Variants in TLE3 observed in about 807,000 individuals in gnomAD.
The protein encoded by TLE3 is transducin-like enhancer protein 3.
In TLE3, 14 loss-of-function variants were observed where a neutral mutation model predicts 93.0. The ratio of observed to expected loss-of-function variants is 0.15; its 90% CI spans 0.10 to 0.24. TLE3 has a LOEUF of 0.24. Ranked by LOEUF, TLE3 falls within the 10% of genes least tolerant of loss-of-function variation. The pLI, the probability that TLE3 is intolerant of heterozygous loss-of-function variation, is 1.00. For synonymous variants in TLE3, 451 were observed against 425.0 expected, an observed-to-expected ratio of 1.06 and a Z score of -0.75; for missense variants, 693 against 1,046.6, an observed-to-expected ratio of 0.66 and a Z score of 4.66.
Position 70,057,453 on chromosome 15 carries a change from A to C in TLE3, c.1251+6T>G. ...CCCCAAGAAAGGAGCCAAAAGGTCT[A>C]CGTACAGCTCCAAAGCTCACCATTG... On this transcript the variant is annotated splice_donor_region_variant and intron_variant, in intron 13 of 19. Coordinates refer to ENST00000451782, the MANE Select transcript of TLE3 (RefSeq NM_001105192.3). 10 of 1,593,340 alleles carry C rather than the reference A, an allele frequency of 6.3e-6. No individual in the cohort carries two copies. The highest frequency in any genetic ancestry group is 8.5e-6 in the Non-Finnish European group (10 of 1,170,198).
At chr15:70,061,604 C>A (rs762310473) in intron 8 of TLE3, among the ~76,000 whole-genome samples, 1 of 152,154 alleles carries the variant, frequency 6.6e-6, no homozygotes, top group Non-Finnish European at 1.5e-5. Flanking sequence ...CTGGCAAGGG[C>A]ACCTGCCAGC....
chr15:70,091,187 A>G (rs983466008), intron 4 of TLE3, among the ~76,000 whole-genome samples: 1 of 152,256 alleles, frequency 6.6e-6, no homozygotes, highest in Non-Finnish European at 1.5e-5. Flanking sequence ...AACTTACAGG[A>G]AAGGTTGTTC....
In TLE3 at chr15:70,055,204, G is replaced by A. The variant is rs766356098; in HGVS notation, c.1423C>T (p.Arg475Trp). 5 of 1,613,890 alleles carry A rather than the reference G, an allele frequency of 3.1e-6. No individual in the cohort carries two copies. The highest frequency in any genetic ancestry group is 2.5e-6 in the Non-Finnish European group (3 of 1,179,954). ...CCGTGGCTGAGTGTGTTGATCTGCC[G>A]GGCGTGCCTCGGGATGCCGGGGCCT... The part of the protein sequence containing the change: ...LAGPGIPRHA[R>W]QINTLSHGEV... Residue 475 changes from arginine to tryptophan, a missense_variant, in exon 15 of 20, where the codon CGG becomes TGG. Arg to Trp is a moderately radical substitution (Grantham distance 101). Coordinates refer to ENST00000451782, the MANE Select transcript of TLE3 (RefSeq NM_001105192.3).
At chr15:70,090,702 G>A (rs993992103) in intron 4 of TLE3, among the ~76,000 whole-genome samples, 2 of 152,126 alleles carry the variant, frequency 1.3e-5, no homozygotes, top group African/African-American at 4.8e-5. Flanking sequence ...AAGTTCACAG[G>A]TTATATATAC....
chr15:70,095,198 G>C (rs2058491976), intron 3 of TLE3, among the ~76,000 whole-genome samples: 1 of 152,194 alleles, frequency 6.6e-6, no homozygotes, highest in Non-Finnish European at 1.5e-5. Context: ...ACTCCCAGGA[G>C]GTCACTAAGA....
chr15:70,059,749 C>T (rs148663583), intron 9 of TLE3, among the ~76,000 whole-genome samples: 1 of 152,362 alleles, frequency 6.6e-6, no homozygotes, highest in South Asian at 2.1e-4. Flanking sequence ...CCCCTGCCCC[C>T]ACAGCCTGCC....
intron 4 of TLE3, among the ~76,000 whole-genome samples, chr15:70,086,258 T>C (rs2058032137): frequency 6.6e-6 from 1 of 152,178 alleles, no homozygotes; most frequent in Non-Finnish European, 1.5e-5. Flanking sequence ...TGCACTGAAC[T>C]GCCTTCCTCT....
intron 8 of TLE3, 106 bp downstream of exon 8, chr15:70,064,348 T>C (rs2056681028): frequency 2.1e-6 from 3 of 1,405,108 alleles, no homozygotes; most frequent in South Asian, 2.4e-5. Flanking sequence ...GAAGCCAGCT[T>C]TGGATACCGA....
chr15:70,061,029 G>T (rs2056440592), intron 8 of TLE3, among the ~76,000 whole-genome samples: 1 of 152,186 alleles, frequency 6.6e-6, no homozygotes, highest in Middle Eastern at 3.2e-3. Context: ...TCAAAGGAGG[G>T]ATAAGTGGAA....
intron 7 of TLE3, among the ~76,000 whole-genome samples, chr15:70,065,735 G>A (rs1469412609): frequency 6.6e-6 from 1 of 152,230 alleles, no homozygotes; most frequent in African/African-American, 2.4e-5. Flanking sequence ...GCCCCTGAAG[G>A]ACAGGCAAGG....
In TLE3 at chr15:70,058,111, C is replaced by G; in HGVS notation, c.1051+48G>C. 1 of 1,613,196 alleles carries G rather than the reference C, an allele frequency of 6.2e-7. No individual in the cohort carries two copies. Among genetic ancestry groups the G allele is most frequent in the Non-Finnish European group, 8.5e-7 (1 of 1,179,558 alleles). ...CCCTGCCCTGGCCAAGAGCAGACCC[C>G]CTCCCCCCAATCAGATTAACCCAGC... On this transcript the variant is annotated intron_variant, in intron 12 of 19. Coordinates refer to ENST00000451782, the MANE Select transcript of TLE3 (RefSeq NM_001105192.3). The surrounding 1 kb of genome is among the most constrained non-coding windows in gnomAD (Gnocchi z 4.1).
Position 70,065,996 on chromosome 15 carries a change from G to GGCCCC in TLE3, c.577+17_577+18insGGGGC. On this transcript the variant is annotated intron_variant, in intron 7 of 19. Coordinates refer to ENST00000451782, the MANE Select transcript of TLE3 (RefSeq NM_001105192.3). ...CCACCCCTGCCCCGCCCCACCCTCT[G>GGCCCC]CCCCAGCCCAGCCGCACCTCTGTGA... 7.4e-7 allele frequency: 1 copy of GGCCCC among 1,347,800 alleles called. No individual in the cohort carries two copies. Among genetic ancestry groups the GGCCCC allele is most frequent in the Non-Finnish European group, 1.0e-6 (1 of 955,756 alleles). 83.5% of individuals were successfully genotyped at this position (1,347,800 alleles called of 1,614,324 possible). A position where few individuals can be genotyped will look rare whatever the true frequency, so the allele number is the denominator to read the frequency against.
intron 14 of TLE3, 75 bp downstream of exon 14, chr15:70,056,223 G>A (rs549841398): frequency 4.5e-5 from 66 of 1,473,620 alleles, no homozygotes; most frequent in African/African-American, 3.9e-4. Flanking sequence ...GATGAGGGGC[G>A]TTGTTGGAAT....
At chr15:70,051,751 T>C (rs2055566504) in intron 18 of TLE3, among the ~76,000 whole-genome samples, 1 of 152,166 alleles carries the variant, frequency 6.6e-6, no homozygotes, top group Non-Finnish European at 1.5e-5. Flanking sequence ...TTAAAGCCAC[T>C]AAGGTTGACT....
chr15:70,079,347 A>G (rs1224652390), intron 4 of TLE3: 2 of 501,168 alleles, frequency 4.0e-6, no homozygotes, highest in East Asian at 6.9e-5. Context: ...GCACGTCACC[A>G]GACAGGACTG....
rs577845137 is a variant in TLE3, at chr15:70,096,153, G to T, written c.125+8C>A. The T allele has an allele frequency of 1.3e-6, 2 of 1,550,752 alleles. No homozygotes were observed. The highest frequency in any genetic ancestry group is 1.7e-6 in the Non-Finnish European group (2 of 1,146,530). On this transcript the variant is annotated splice_region_variant and intron_variant, in intron 2 of 19. Coordinates refer to ENST00000451782, the MANE Select transcript of TLE3 (RefSeq NM_001105192.3). ...CGCCAGCCCCGGGGCGGCCCCCACC[G>T]GCCTTACCTGTGATACTGAGCTTGC...
chr15:70,054,883 C>T (rs949305623), intron 15 of TLE3, 166 bp downstream of exon 15: 2 of 1,247,194 alleles, frequency 1.6e-6, no homozygotes, highest in Non-Finnish European at 2.2e-6. Flanking sequence ...CAGAATCAGC[C>T]CCACACACAG....
chr15:70,058,370 C>A lies in TLE3; in HGVS notation c.919-79G>T. The A allele has an allele frequency of 6.6e-7, 1 of 1,525,410 alleles. No homozygotes were observed. Among genetic ancestry groups the A allele is most frequent in the Non-Finnish European group, 8.8e-7 (1 of 1,135,912 alleles). The allele number at this position is 1,525,410 out of a possible 1,614,324, so 94.5% of individuals were successfully genotyped here. Reference sequence around the variant, plus strand: ...GAGCCGGGCACAACTGGTGCCGGTCCCAACGTGAAGCCCAGAGCCAGACCC... The same window carrying A: ...GAGCCGGGCACAACTGGTGCCGGTCACAACGTGAAGCCCAGAGCCAGACCC... On this transcript the variant is annotated intron_variant, in intron 11 of 19. Transcript: ENST00000451782. This position sits in a 1 kb window ranked among gnomAD's most constrained non-coding sequence, Gnocchi z 4.1.
rs750269450 is a variant in TLE3 at position 70,058,147 on chromosome 15, T to A, written c.1051+12A>T. The A allele has an allele frequency of 6.2e-7, 1 of 1,613,876 alleles. No homozygotes were observed. The highest frequency in any genetic ancestry group is 1.1e-5 in the South Asian group (1 of 91,080). Reference sequence around the variant, plus strand: ...TCAGATTAACCCAGCCCATGGTGCCTACCCATTATACCTATCGGGTCCATG... The same window carrying A: ...TCAGATTAACCCAGCCCATGGTGCCAACCCATTATACCTATCGGGTCCATG... On this transcript the variant is annotated intron_variant, in intron 12 of 19. Coordinates refer to ENST00000451782, the MANE Select transcript of TLE3 (RefSeq NM_001105192.3). This position sits in a 1 kb window ranked among gnomAD's most constrained non-coding sequence, Gnocchi z 4.1.
Sources: allele counts gnomAD v4.1 joint callset (sites outside exome capture counted in the v4.1 genomes callset), GRCh38; gene constraint gnomAD v4.1.1; non-coding constraint Gnocchi (gnomAD v3.1); transcripts MANE v1.5; gene names NCBI Gene and HGNC (gene_info 2026-07-23, HGNC 2026-07-21).